Variants in ONECUT3 observed in about 807,000 individuals in gnomAD.
The protein encoded by ONECUT3 is one cut domain family member 3.
ONECUT3 carries 11 observed loss-of-function variants against 16.8 expected under a neutral mutation model. That is an observed-to-expected ratio of 0.66 (90% CI 0.41 to 1.09). ONECUT3 has a LOEUF of 1.09. ONECUT3 is among the 50% of genes least tolerant of loss of function. The pLI is 0.00. For synonymous variants in ONECUT3, 344 were observed against 310.7 expected, an observed-to-expected ratio of 1.11 and a Z score of -1.13; for missense variants, 637 against 629.9, an observed-to-expected ratio of 1.01 and a Z score of -0.12.
rs2067909228 is a variant in ONECUT3, at chr19:1,754,979, C to T, written c.1192+125C>T. 4 of 1,212,646 alleles carry T rather than the reference C, an allele frequency of 3.3e-6. No homozygotes were observed. The highest frequency in any genetic ancestry group is 4.2e-6 in the Non-Finnish European group (4 of 958,036). 75.1% of individuals were successfully genotyped at this position (1,212,646 alleles called of 1,614,324 possible). On this transcript the variant is annotated intron_variant, in intron 1 of 1. Coordinates refer to ENST00000382349, the MANE Select transcript of ONECUT3 (RefSeq NM_001080488.2). The surrounding 1 kb of genome is among the most constrained non-coding windows in gnomAD (Gnocchi z 7.4). ...GCCCCGCCCGTGCGCCCCGGCAGCC[C>T]GGGACCCCCTATCAGGAAGCTAGAC...
rs1010157103 is a variant in ONECUT3 at position 1,762,563 on chromosome 19, G to C, written c.1192+7709G>C. Among the ~76,000 whole-genome samples the C allele has an allele frequency of 6.6e-6, 1 of 152,346 alleles. No homozygotes were observed. The highest frequency in any genetic ancestry group is 1.9e-4 in the East Asian group (1 of 5,180). Reference sequence around the variant, plus strand: ...CGCGTTGCGCACATCGGTCCTTGGCGGGTGTGTGGATCCCAGAGCGCGCCC... The same window carrying C: ...CGCGTTGCGCACATCGGTCCTTGGCCGGTGTGTGGATCCCAGAGCGCGCCC... On this transcript the variant is annotated intron_variant, in intron 1 of 1. Coordinates refer to ENST00000382349, the MANE Select transcript of ONECUT3 (RefSeq NM_001080488.2). This position sits in a 1 kb window ranked among gnomAD's most constrained non-coding sequence, Gnocchi z 4.4.
rs146838155 is a variant in ONECUT3, at chr19:1,770,078, C to A, written c.1193-5075C>A. On this transcript the variant is annotated intron_variant, in intron 1 of 1. Coordinates refer to ENST00000382349, the MANE Select transcript of ONECUT3 (RefSeq NM_001080488.2). ...ATTCTCTGAGTAAATAAGGAGAAAA[C>A]CCCCTGCCTTGTAGAATTATTGTAA... is the stretch of plus-strand genomic sequence containing the variant. Among the ~76,000 whole-genome samples, 308 of 152,200 alleles carry A rather than the reference C, an allele frequency of 2.0e-3. 1 individual carries two copies. The highest frequency in any genetic ancestry group is 4.9e-3 in the African/African-American group (202 of 41,510).
At position 1,774,267 on chromosome 19, in the gene ONECUT3, G is replaced by A. The variant is rs77319089; in HGVS notation, c.1193-886G>A. 1.9e-3 allele frequency among the ~76,000 whole-genome samples: 294 copies of A among 152,110 alleles called. 1 individual carries two copies. Among genetic ancestry groups the A allele is most frequent in the African/African-American group, 6.5e-3 (271 of 41,478 alleles). On this transcript the variant is annotated intron_variant, in intron 1 of 1. Coordinates refer to ENST00000382349, the MANE Select transcript of ONECUT3 (RefSeq NM_001080488.2). ...GGGTATCAGGCCTTACAGGAGTGTC[G>A]CTGCTGCTCATTCGTAGAGCTTGGT...
At chr19:1,771,642 G>A (rs2068055934) in intron 1 of ONECUT3, among the ~76,000 whole-genome samples, 1 of 152,126 alleles carries the variant, frequency 6.6e-6, no homozygotes, top group Non-Finnish European at 1.5e-5. Context: ...AACGAGGCTT[G>A]AGTGTCTTTT....
chr19:1,763,576 A>G (rs1230650376), intron 1 of ONECUT3, among the ~76,000 whole-genome samples: 2 of 151,848 alleles, frequency 1.3e-5, no homozygotes, highest in Non-Finnish European at 2.9e-5. Context: ...ATAAATCGAC[A>G]TGATTTTACA....
chr19:1,780,670 G>A lies in ONECUT3; in HGVS notation c.*5225G>A, dbSNP rs1053714145. The A allele has an allele frequency of 6.6e-6, 1 of 152,274 alleles. No individual in the cohort carries two copies. Among genetic ancestry groups the A allele is most frequent in the Non-Finnish European group, 1.5e-5 (1 of 68,078 alleles). 9.4% of individuals were successfully genotyped at this position (152,274 alleles called of 1,614,324 possible). Reference sequence around the variant, plus strand: ...GGCCAGGATGCTCCTTGCACCAGCAGGAGCTTGGGCCATTTCACATTCTCT... The same window carrying A: ...GGCCAGGATGCTCCTTGCACCAGCAAGAGCTTGGGCCATTTCACATTCTCT... On this transcript the variant is annotated 3_prime_UTR_variant, in exon 2 of 2. Coordinates refer to ENST00000382349, the MANE Select transcript of ONECUT3 (RefSeq NM_001080488.2).
intron 1 of ONECUT3, among the ~76,000 whole-genome samples, chr19:1,772,366 C>A (rs571229285): frequency 2.6e-5 from 4 of 151,982 alleles, no homozygotes; most frequent in African/African-American, 9.7e-5. Flanking sequence ...TACTCTGTCA[C>A]CCAGGCTGGA....
chr19:1,775,126 G>GGGCCCC, intron 1 of ONECUT3, 27 bp from the exon 2 acceptor site: 650 of 1,142,560 alleles, frequency 5.7e-4, no homozygotes, highest in Non-Finnish European at 7.1e-4. Flanking sequence ...TGTCCCGCTC[G>GGGCCCC]CCCGCCCGCC....
rs1478849262 is a variant in ONECUT3, at chr19:1,756,303, T to A, written c.1192+1449T>A. Among the ~76,000 whole-genome samples the A allele has an allele frequency of 2.0e-5, 3 of 152,206 alleles. No individual in the cohort carries two copies. In the East Asian group the frequency reaches 5.8e-4, roughly 29 times the overall value. ...ACCTCTTATGGGATTCTTAGATTTT[T>A]CTGCTTTGGGGCACGGGAAAATAAA... is the stretch of plus-strand genomic sequence containing the variant. On this transcript the variant is annotated intron_variant, in intron 1 of 1. Coordinates refer to ENST00000382349, the MANE Select transcript of ONECUT3 (RefSeq NM_001080488.2).
rs1430299199 is a variant in ONECUT3 at position 1,779,605 on chromosome 19, CAA to C, written c.*4163_*4164del. ...GGAAGAAAAATGCAAAAAAAAAAGA[CAA>C]AATGGAATTTGAGTTGGTGCATGAC... is the stretch of plus-strand genomic sequence containing the variant. On this transcript the variant is annotated 3_prime_UTR_variant, in exon 2 of 2. Transcript: ENST00000382349. 1 of 142,874 alleles carries C rather than the reference CAA, an allele frequency of 7.0e-6. No homozygotes were observed. The highest frequency in any genetic ancestry group is 2.1e-4 in the East Asian group (1 of 4,868). The allele number at this position is 142,874 out of a possible 1,614,324, so 8.9% of individuals were successfully genotyped here. A position where few individuals can be genotyped will look rare whatever the true frequency, so the allele number is the denominator to read the frequency against.
In ONECUT3 at chr19:1,777,706, T is replaced by TTTAAAA. The variant is rs2068122983; in HGVS notation, c.*2261_*2262insTTAAAA. The TTTAAAA allele has an allele frequency of 1.3e-5, 2 of 152,310 alleles. No individual in the cohort carries two copies. The highest frequency in any genetic ancestry group is 4.8e-5 in the African/African-American group (2 of 41,568). 9.4% of individuals were successfully genotyped at this position (152,310 alleles called of 1,614,324 possible). On this transcript the variant is annotated 3_prime_UTR_variant, in exon 2 of 2. Coordinates refer to ENST00000382349, the MANE Select transcript of ONECUT3 (RefSeq NM_001080488.2). The stretch of plus-strand genomic sequence containing the variant: ...GTTTTAATTTCTTTTTAAAAAGCTT[T>TTTAAAA]AGGTCTTGCCGGGCGCGGTGGTTCA...
Position 1,753,951 on chromosome 19 carries a change from G to A in ONECUT3, c.289G>A (p.Glu97Lys). The A allele has an allele frequency of 1.0e-6, 1 of 986,934 alleles. No individual in the cohort carries two copies. The highest frequency in any genetic ancestry group is 1.2e-6 in the Non-Finnish European group (1 of 833,072). The allele number at this position is 986,934 out of a possible 1,614,324, so 61.1% of individuals were successfully genotyped here. ...PLHPAMGMAC[E>K]APGLGGTYTT... ...GCACCCGGCAATGGGCATGGCCTGC[G>A]AGGCGCCGGGCCTGGGCGGCACCTA... is the stretch of plus-strand genomic sequence containing the variant. The change falls in exon 1 of 2, where the codon GAG becomes AAG. Residue 97 changes from glutamate (E) to lysine (K), a missense_variant. By Grantham distance (56) the Glu-to-Lys change is moderately conservative. Transcript: ENST00000382349.
intron 1 of ONECUT3, among the ~76,000 whole-genome samples, chr19:1,763,602 G>T (rs968012920): frequency 6.6e-6 from 1 of 151,836 alleles, no homozygotes; most frequent in Non-Finnish European, 1.5e-5. Flanking sequence ...TAACGCATTC[G>T]CCAGTTTCCG....
rs1376632017 is a variant in ONECUT3, at chr19:1,758,424, G to A, written c.1192+3570G>A. 6.6e-6 allele frequency among the ~76,000 whole-genome samples: 1 copy of A among 152,114 alleles called. No homozygotes were observed. The highest frequency in any genetic ancestry group is 2.1e-4 in the South Asian group (1 of 4,826). On this transcript the variant is annotated intron_variant, in intron 1 of 1. Transcript: ENST00000382349. The surrounding 1 kb of genome is among the most constrained non-coding windows in gnomAD (Gnocchi z 5.9). Reference sequence around the variant, plus strand: ...CAGCCCCCTCCTTCTTCCCCATGGGGTAGGACTTGGGAGAGGGGAATAGGT... The same window carrying A: ...CAGCCCCCTCCTTCTTCCCCATGGGATAGGACTTGGGAGAGGGGAATAGGT...
Position 1,775,953 on chromosome 19 carries a change from C to G in ONECUT3, c.*508C>G, listed in dbSNP as rs1238438235. ...CGGCCCCCTCCCCAGGGACCTCAGC[C>G]CTTTCCAAAGTCGCCAAAAACCCAC... On this transcript the variant is annotated 3_prime_UTR_variant, in exon 2 of 2. Transcript: ENST00000382349. The G allele has an allele frequency of 6.6e-6, 1 of 151,386 alleles. No homozygotes were observed. Among genetic ancestry groups the G allele is most frequent in the African/African-American group, 2.4e-5 (1 of 40,998 alleles). The allele number at this position is 151,386 out of a possible 1,614,324, so 9.4% of individuals were successfully genotyped here.
rs560662147 is a variant in ONECUT3 at position 1,759,589 on chromosome 19, C to T, written c.1192+4735C>T. On this transcript the variant is annotated intron_variant, in intron 1 of 1. Transcript: ENST00000382349. This position sits in a 1 kb window ranked among gnomAD's most constrained non-coding sequence, Gnocchi z 4.1. ...CCCACTTTCCACTGCAAGGGGTCCA[C>T]GCCTCTTACGGACACCCCCAGAAAA... Among the ~76,000 whole-genome samples the T allele has an allele frequency of 3.3e-5, 5 of 152,286 alleles. No homozygotes were observed. Among genetic ancestry groups the T allele is most frequent in the African/African-American group, 4.8e-5 (2 of 41,548 alleles).
rs910741167 is a variant in ONECUT3, at chr19:1,778,911, C to T, written c.*3466C>T. ...ACACACACACACACACACACACACA[C>T]ACCCCTACCTGTTTCCGGACCCCAC... On this transcript the variant is annotated 3_prime_UTR_variant, in exon 2 of 2. Transcript: ENST00000382349. 6.9e-5 allele frequency: 10 copies of T among 145,950 alleles called. No individual in the cohort carries two copies. Among genetic ancestry groups the T allele is most frequent in the Non-Finnish European group, 1.5e-5 (1 of 67,044 alleles). 9.0% of individuals were successfully genotyped at this position (145,950 alleles called of 1,614,324 possible). A position where few individuals can be genotyped will look rare whatever the true frequency, so the allele number is the denominator to read the frequency against.
Position 1,776,440 on chromosome 19 carries a change from C to T in ONECUT3, c.*995C>T, listed in dbSNP as rs1295588937. On this transcript the variant is annotated 3_prime_UTR_variant, in exon 2 of 2. Coordinates refer to ENST00000382349, the MANE Select transcript of ONECUT3 (RefSeq NM_001080488.2). The surrounding 1 kb of genome is among the most constrained non-coding windows in gnomAD (Gnocchi z 4.9). ...GCGTGGAACCTTCTGGAATCCACCG[C>T]CCCCCTTTCCGCCCGCGTCAGGGTC... The T allele has an allele frequency of 6.6e-6, 1 of 152,228 alleles. No individual in the cohort carries two copies. Among genetic ancestry groups the T allele is most frequent in the South Asian group, 2.1e-4 (1 of 4,830 alleles). 9.4% of individuals were successfully genotyped at this position (152,228 alleles called of 1,614,324 possible). A position where few individuals can be genotyped will look rare whatever the true frequency, so the allele number is the denominator to read the frequency against.
At position 1,764,302 on chromosome 19, in the gene ONECUT3, T is replaced by A. The variant is rs971760458; in HGVS notation, c.1192+9448T>A. On this transcript the variant is annotated intron_variant, in intron 1 of 1. Coordinates refer to ENST00000382349, the MANE Select transcript of ONECUT3 (RefSeq NM_001080488.2). This position sits in a 1 kb window ranked among gnomAD's most constrained non-coding sequence, Gnocchi z 5.0. Reference sequence around the variant, plus strand: ...ACCCCATGGCGGCCCAGCCTCCAGATGGAGCCACGAGGGAGGGACAGCCCG... The same window carrying A: ...ACCCCATGGCGGCCCAGCCTCCAGAAGGAGCCACGAGGGAGGGACAGCCCG... Among the ~76,000 whole-genome samples the A allele has an allele frequency of 6.6e-6, 1 of 152,134 alleles. No individual in the cohort carries two copies. The highest frequency in any genetic ancestry group is 1.5e-5 in the Non-Finnish European group (1 of 68,016).
Sources: allele counts gnomAD v4.1 joint callset (sites outside exome capture counted in the v4.1 genomes callset), GRCh38; gene constraint gnomAD v4.1.1; non-coding constraint Gnocchi (gnomAD v3.1); transcripts MANE v1.5; gene names NCBI Gene and HGNC (gene_info 2026-07-23, HGNC 2026-07-21).